ZUP1: variants seen among roughly 807,000 people sequenced by gnomAD.
The protein encoded by ZUP1 is zinc finger-containing ubiquitin peptidase 1.
A neutral mutation model predicts 68.1 loss-of-function variants in ZUP1; 55 were observed. The ratio of observed to expected loss-of-function variants is 0.81; its 90% confidence interval spans 0.65 to 1.01. ZUP1 has a LOEUF of 1.01. Ranked by LOEUF, ZUP1 falls within the 50% of genes least tolerant of loss-of-function variation. The pLI, the probability that ZUP1 is intolerant of heterozygous loss-of-function variation, is 0.00. For missense variants in ZUP1, 684 were observed against 674.9 expected (o/e 1.01, Z -0.15); for synonymous variants, 223 against 221.5 (o/e 1.01, Z -0.06).
intron 9 of ZUP1, among the ~76,000 whole-genome samples, chr6:116,639,709 A>G (rs1403929743): frequency 4.6e-5 from 7 of 152,330 alleles, no homozygotes; most frequent in Admixed American, 4.6e-4. Context: ...ATCAAAGACC[A>G]ACAGGAGATA....
At position 116,660,723 on chromosome 6, in the gene ZUP1, C is replaced by G. The variant is rs757474172; in HGVS notation, c.670+13G>C. The G allele has an allele frequency of 2.1e-6, 3 of 1,437,448 alleles. No individual in the cohort carries two copies. Among genetic ancestry groups the G allele is most frequent in the South Asian group, 2.4e-5 (2 of 82,500 alleles). 89.0% of individuals were successfully genotyped at this position (1,437,448 alleles called of 1,614,324 possible). A position where few individuals can be genotyped will look rare whatever the true frequency, so the allele number is the denominator to read the frequency against. On this transcript the variant is annotated intron_variant, in intron 3 of 9. Transcript: ENST00000368576. Reference sequence around the variant, plus strand: ...ATTAAATGATATTTTTATCTTCAAACATATAAACATACCTTGCTGAAAGCT... The same window carrying G: ...ATTAAATGATATTTTTATCTTCAAAGATATAAACATACCTTGCTGAAAGCT...
intron 3 of ZUP1, among the ~76,000 whole-genome samples, chr6:116,659,669 T>C (rs552507140): frequency 9.9e-5 from 15 of 151,482 alleles, no homozygotes; most frequent in African/African-American, 3.4e-4. Flanking sequence ...AAAGTGCAGG[T>C]GTTAGATAAT....
intron 4 of ZUP1, among the ~76,000 whole-genome samples, chr6:116,657,353 A>G (rs1776703113): frequency 6.6e-6 from 1 of 152,222 alleles, no homozygotes. Flanking sequence ...TGTCTATGGA[A>G]AAGTTTTCAC....
At chr6:116,649,063 T>C (rs972774737) in intron 7 of ZUP1, among the ~76,000 whole-genome samples, 1 of 151,704 alleles carries the variant, frequency 6.6e-6, no homozygotes, top group African/African-American at 2.4e-5. Context: ...TGTGAACACA[T>C]TGGCAAAAAG....
intron 4 of ZUP1, 125 bp downstream of exon 4, chr6:116,658,678 G>T: frequency 1.2e-6 from 1 of 813,200 alleles, no homozygotes; most frequent in Non-Finnish European, 1.8e-6. Flanking sequence ...TATAAATGGT[G>T]TCTGTTACAA....
chr6:116,641,436 G>A (rs1465006506), intron 9 of ZUP1, among the ~76,000 whole-genome samples: 1 of 151,888 alleles, frequency 6.6e-6, no homozygotes, highest in African/African-American at 2.4e-5. Context: ...CACATACTTG[G>A]AAGTAAAGCT....
intron 7 of ZUP1, among the ~76,000 whole-genome samples, chr6:116,648,752 A>G (rs1343455182): frequency 6.6e-6 from 1 of 152,074 alleles, no homozygotes; most frequent in Non-Finnish European, 1.5e-5. Flanking sequence ...GCTTGAGCCT[A>G]GGAGTTCAAG....
intron 7 of ZUP1, among the ~76,000 whole-genome samples, chr6:116,649,656 AACTCT>A (rs1562404138): frequency 6.6e-6 from 1 of 152,130 alleles, no homozygotes; most frequent in Non-Finnish European, 1.5e-5. Context: ...GAGAGTGAAA[AACTCT>A]TCTCTGGATA....
chr6:116,648,302 A>G (rs1776377686), intron 7 of ZUP1, among the ~76,000 whole-genome samples: 1 of 152,246 alleles, frequency 6.6e-6, no homozygotes, highest in African/African-American at 2.4e-5. Context: ...TATAACTAAA[A>G]GCATTTGATA....
intron 7 of ZUP1, among the ~76,000 whole-genome samples, chr6:116,650,066 A>G (rs1040137165): frequency 6.6e-6 from 1 of 152,202 alleles, no homozygotes; most frequent in Non-Finnish European, 1.5e-5. Context: ...GATAAAGTTG[A>G]GTAAATCTAG....
At chr6:116,662,621 G>A (rs764911548) in intron 2 of ZUP1, among the ~76,000 whole-genome samples, 2 of 152,014 alleles carry the variant, frequency 1.3e-5, no homozygotes, top group South Asian at 2.1e-4. Flanking sequence ...AAATACCATC[G>A]GTCATCAGTC....
intron 7 of ZUP1, among the ~76,000 whole-genome samples, chr6:116,649,613 T>C (rs1230010382): frequency 2.0e-5 from 3 of 152,074 alleles, no homozygotes; most frequent in Non-Finnish European, 4.4e-5. Flanking sequence ...ACACCTTAAC[T>C]CTCCCCTCCA....
At chr6:116,639,963 C>T (rs1776037895) in intron 9 of ZUP1, among the ~76,000 whole-genome samples, 1 of 152,062 alleles carries the variant, frequency 6.6e-6, no homozygotes, top group Admixed American at 6.5e-5. Context: ...GAATGTATAA[C>T]TAGAATAACC....
chr6:116,664,705 T>A (rs1303494138), intron 2 of ZUP1, among the ~76,000 whole-genome samples: 2 of 152,014 alleles, frequency 1.3e-5, no homozygotes, highest in South Asian at 4.2e-4. Context: ...GGAACAAAAG[T>A]CACATAGATA....
At chr6:116,652,875 A>G (rs917662982) in intron 5 of ZUP1, among the ~76,000 whole-genome samples, 2 of 152,108 alleles carry the variant, frequency 1.3e-5, no homozygotes, top group African/African-American at 2.4e-5. Flanking sequence ...GTCTACAGAA[A>G]GCTATCCACT....
intron 4 of ZUP1, among the ~76,000 whole-genome samples, chr6:116,657,299 C>T (rs1776701220): frequency 6.6e-6 from 1 of 152,156 alleles, no homozygotes; most frequent in African/African-American, 2.4e-5. Context: ...GTTTTGTACA[C>T]TGGACAGAAA....
chr6:116,642,424 G>GC (rs1174464722), intron 9 of ZUP1, among the ~76,000 whole-genome samples: 1 of 151,974 alleles, frequency 6.6e-6, no homozygotes, highest in Non-Finnish European at 1.5e-5. Flanking sequence ...GAACATTGAT[G>GC]CAAAAATCCT....
chr6:116,639,072 G>C (rs758122968), intron 9 of ZUP1, among the ~76,000 whole-genome samples: 1 of 152,222 alleles, frequency 6.6e-6, no homozygotes, highest in Non-Finnish European at 1.5e-5. Context: ...CGCCCACGGA[G>C]TCTCCCTGAT....
Position 116,661,204 on chromosome 6 carries a change from A to AT in ZUP1, c.560-359dup, listed in dbSNP as rs562176665. 2.5e-4 allele frequency among the ~76,000 whole-genome samples: 38 copies of AT among 151,932 alleles called. No homozygotes were observed. In the South Asian group the frequency reaches 7.3e-3, roughly 29 times the overall value. ...TTGGTTTTATTTTTATAACTTTTAGATTTTTTCACCCCATGTCAAAGACTG... is the reference window on the plus strand; with the variant it reads ...TTGGTTTTATTTTTATAACTTTTAGATTTTTTTCACCCCATGTCAAAGACTG... On this transcript the variant is annotated intron_variant, in intron 2 of 9. Coordinates refer to ENST00000368576, the MANE Select transcript of ZUP1 (RefSeq NM_145062.3).
Sources: allele counts gnomAD v4.1 joint callset (sites outside exome capture counted in the v4.1 genomes callset), GRCh38; gene constraint gnomAD v4.1.1; transcripts MANE v1.5; gene names NCBI Gene and HGNC (gene_info 2026-07-23, HGNC 2026-07-21).